The following CELF4 variants were observed in gnomAD, a reference collection of about 807,000 sequenced individuals.
CELF4 encodes CUGBP Elav-like family member 4.
In CELF4, 18 loss-of-function variants were observed where a neutral mutation model predicts 59.9. The observed-to-expected ratio is 0.30, with a 90% confidence interval of 0.21 to 0.45. The LOEUF is 0.45. Ranked by LOEUF, CELF4 falls within the 20% of genes least tolerant of loss-of-function variation. The pLI, the probability that CELF4 is intolerant of heterozygous loss-of-function variation, is 1.00. For missense variants in CELF4, 456 were observed against 689.0 expected, an observed-to-expected ratio of 0.66 and a Z score of 3.79; for synonymous variants, 261 against 267.1, an observed-to-expected ratio of 0.98 and a Z score of 0.22.
chr18:37,533,901 G>C (rs1239920093), intron 1 of CELF4, among the ~76,000 whole-genome samples: 1 of 152,196 alleles, frequency 6.6e-6, no homozygotes, highest in Non-Finnish European at 1.5e-5. Flanking sequence ...CAGTGGGGTG[G>C]TCCTGGAGTC....
At chr18:37,359,482 G>A (rs779166518) in intron 2 of CELF4, among the ~76,000 whole-genome samples, 9 of 152,044 alleles carry the variant, frequency 5.9e-5, no homozygotes, top group Admixed American at 1.3e-4. Flanking sequence ...GCTGGGCTGC[G>A]CACCACCAGG....
intron 2 of CELF4, among the ~76,000 whole-genome samples, chr18:37,333,009 T>C (rs1440760577): frequency 6.6e-6 from 1 of 152,226 alleles, no homozygotes; most frequent in Non-Finnish European, 1.5e-5. Flanking sequence ...TTAGCCGGCA[T>C]GGTCGGCTGG....
At chr18:37,340,124 G>T (rs1294987010) in intron 2 of CELF4, among the ~76,000 whole-genome samples, 1 of 152,218 alleles carries the variant, frequency 6.6e-6, no homozygotes, top group East Asian at 1.9e-4. Flanking sequence ...CAGCCTGGGG[G>T]GCACTGATAG....
intron 3 of CELF4, among the ~76,000 whole-genome samples, chr18:37,314,023 G>A (rs142340227): frequency 1.5e-3 from 228 of 152,328 alleles, no homozygotes; most frequent in South Asian, 4.4e-3. Context: ...GCTGTCTCAG[G>A]GATGCCTCCC....
intron 10 of CELF4, among the ~76,000 whole-genome samples, chr18:37,261,558 C>T (rs1210953330): frequency 6.6e-6 from 1 of 152,250 alleles, no homozygotes; most frequent in African/African-American, 2.4e-5. Flanking sequence ...ACTCCAGCTA[C>T]CGCCAAGCCC....
At chr18:37,334,406 C>T (rs1249040292) in intron 2 of CELF4, among the ~76,000 whole-genome samples, 2 of 152,184 alleles carry the variant, frequency 1.3e-5, no homozygotes, top group Admixed American at 6.5e-5. Context: ...TAGGAGCCCT[C>T]GGATGTGGGG....
intron 6 of CELF4, chr18:37,273,824 G>C (rs2092402890): frequency 2.0e-6 from 2 of 989,614 alleles, no homozygotes; most frequent in African/African-American, 3.5e-5. Context: ...GTGGAAGAAA[G>C]AAGTAGGTGG....
At chr18:37,532,215 T>A (rs1186604984) in intron 1 of CELF4, among the ~76,000 whole-genome samples, 2 of 152,230 alleles carry the variant, frequency 1.3e-5, no homozygotes, top group Admixed American at 6.5e-5. Flanking sequence ...AAGGCCAAGA[T>A]CGAAGGACAC....
chr18:37,408,497 G>GGCGGGGA (rs1569568993), intron 2 of CELF4, among the ~76,000 whole-genome samples: 2 of 80,456 alleles, frequency 2.5e-5, no homozygotes, highest in African/African-American at 3.7e-5. Context: ...GGTGCCGGGG[G>GGCGGGGA]GGGGCGCGGT....
chr18:37,296,232 T>C (rs2095631652), intron 3 of CELF4, among the ~76,000 whole-genome samples: 1 of 152,228 alleles, frequency 6.6e-6, no homozygotes. Context: ...CATGGCTTAC[T>C]GCAGCCTCTG....
chr18:37,346,557 T>TG (rs1166447489), intron 2 of CELF4, among the ~76,000 whole-genome samples: 2 of 150,922 alleles, frequency 1.3e-5, no homozygotes, highest in African/African-American at 2.4e-5. Flanking sequence ...CGCCAGGAGG[T>TG]GGGGGGCAGG....
chr18:37,398,867 C>T (rs531334631), intron 2 of CELF4, among the ~76,000 whole-genome samples: 77 of 152,286 alleles, frequency 5.1e-4, no homozygotes, highest in African/African-American at 1.7e-3. Context: ...GAGGTGGCTA[C>T]ATCCCCTCGA....
chr18:37,520,756 C>T (rs1275089124), intron 1 of CELF4, among the ~76,000 whole-genome samples: 1 of 152,160 alleles, frequency 6.6e-6, no homozygotes, highest in East Asian at 1.9e-4. Context: ...CCAGAGGGGA[C>T]AGTCTTATGA....
At chr18:37,321,931 G>A (rs2097137678) in intron 2 of CELF4, 50 bp from the exon 3 acceptor site, 4 of 1,487,956 alleles carry the variant, frequency 2.7e-6, no homozygotes, top group Non-Finnish European at 3.7e-6. Flanking sequence ...GCGGGTGAGG[G>A]GACAGACACC....
chr18:37,498,903 G>A (rs2099928325), intron 1 of CELF4, among the ~76,000 whole-genome samples: 1 of 152,186 alleles, frequency 6.6e-6, no homozygotes, highest in African/African-American at 2.4e-5. Context: ...ACCTGCTGGG[G>A]TCCTGAGTGC....
chr18:37,470,873 T>TCAGAGA, intron 2 of CELF4, among the ~76,000 whole-genome samples: 1 of 104,040 alleles, frequency 9.6e-6, no homozygotes, highest in Non-Finnish European at 2.0e-5. Flanking sequence ...TGTGTGTGTG[T>TCAGAGA]GTGTGTGTGT....
rs770460197 is a variant in CELF4, at chr18:37,485,646, C to A, written c.287-39G>T. ...CAAGCGCCAAGAAGGGTCAGTGGGG[C>A]GCCCCCGGGCCCGCCGACGCGCCCT... On this transcript the variant is annotated intron_variant, in intron 1 of 12. Transcript: ENST00000420428. 7.6e-6 allele frequency: 10 copies of A among 1,318,050 alleles called. No homozygotes were observed. The African/African-American group carries it at 1.4e-4, about 18-fold the overall frequency. The allele number at this position is 1,318,050 out of a possible 1,614,324, so 81.6% of individuals were successfully genotyped here.
At chr18:37,454,314 A>G (rs906009948) in intron 2 of CELF4, among the ~76,000 whole-genome samples, 2 of 152,182 alleles carry the variant, frequency 1.3e-5, no homozygotes, top group Non-Finnish European at 2.9e-5. Flanking sequence ...GCCAGGAGGC[A>G]GGTGGGCTCT....
intron 1 of CELF4, among the ~76,000 whole-genome samples, chr18:37,509,056 C>A (rs1395788936): frequency 6.6e-6 from 1 of 152,198 alleles, no homozygotes; most frequent in African/African-American, 2.4e-5. Flanking sequence ...TCATCAGTCT[C>A]CCTCCCACAG....
Sources: allele counts gnomAD v4.1 joint callset (sites outside exome capture counted in the v4.1 genomes callset), GRCh38; gene constraint gnomAD v4.1.1; transcripts MANE v1.5; gene names NCBI Gene and HGNC (gene_info 2026-07-23, HGNC 2026-07-21).